MAP3K3: variants seen among roughly 807,000 people sequenced by gnomAD.
MAP3K3 encodes the protein MAP/ERK kinase kinase 3.
In MAP3K3, 12 loss-of-function variants were observed where a neutral mutation model predicts 80.9. The observed-to-expected ratio is 0.15, with a 90% CI of 0.10 to 0.24. The LOEUF is 0.24. Among genes scored for constraint, MAP3K3 ranks in the 10% least tolerant of loss-of-function variants. The pLI is 1.00. For missense variants in MAP3K3, 596 were observed against 834.7 expected (o/e 0.71, Z 3.52); for synonymous variants, 272 against 307.1 (o/e 0.89, Z 1.19).
chr17:63,632,448 C>T (rs1255052232), intron 1 of MAP3K3, among the ~76,000 whole-genome samples: 3 of 152,156 alleles, frequency 2.0e-5, no homozygotes, highest in South Asian at 2.1e-4. Flanking sequence ...GCTATGATCA[C>T]GCCACTGCAC....
rs2035528514 is a variant in MAP3K3, at chr17:63,689,208, A to T, written c.871+327A>T. On this transcript the variant is annotated intron_variant, in intron 10 of 15. Coordinates refer to ENST00000361733, the MANE Select transcript of MAP3K3 (RefSeq NM_002401.5). The surrounding 1 kb of genome is among the most constrained non-coding windows in gnomAD (Gnocchi z 4.3). The stretch of plus-strand genomic sequence containing the variant: ...GGGGTAAGGAGTAGGATACAAGGAA[A>T]TCAGTGCCTTCGGGTGTGGCTTGGC... The T allele has an allele frequency of 1.9e-6, 1 of 531,842 alleles. No homozygotes were observed. The highest frequency in any genetic ancestry group is 1.9e-5 in the African/African-American group (1 of 52,570). 32.9% of individuals were successfully genotyped at this position (531,842 alleles called of 1,614,324 possible). A position where few individuals can be genotyped will look rare whatever the true frequency, so the allele number is the denominator to read the frequency against.
intron 1 of MAP3K3, 119 bp from the exon 2 acceptor site, chr17:63,632,562 T>C (rs2034238542): frequency 1.8e-6 from 2 of 1,126,564 alleles, no homozygotes; most frequent in African/African-American, 1.6e-5. Context: ...CTGATTATAG[T>C]TACAGGGTCT....
At chr17:63,687,369 T>C (rs182986412) in intron 8 of MAP3K3, among the ~76,000 whole-genome samples, 2,462 of 147,488 alleles carry the variant, frequency 0.017, 60 homozygotes, top group African/African-American at 0.059. Flanking sequence ...AAAAAATAGC[T>C]GGGCGTGGTG....
intron 1 of MAP3K3, among the ~76,000 whole-genome samples, chr17:63,627,241 T>C (rs1254924126): frequency 6.6e-6 from 1 of 152,158 alleles, no homozygotes; most frequent in Non-Finnish European, 1.5e-5. Context: ...CCTTGTTTGA[T>C]AGATCCTTTT....
chr17:63,693,992 A>G lies in MAP3K3; in HGVS notation c.*215A>G. ...TGGGAGCCCCCAGCCTGTCAGATCCAGGAGCTCCAGTGTCCTGAGCTCAGC... is the reference window on the plus strand; with the variant it reads ...TGGGAGCCCCCAGCCTGTCAGATCCGGGAGCTCCAGTGTCCTGAGCTCAGC... On this transcript the variant is annotated 3_prime_UTR_variant, in exon 16 of 16. Coordinates refer to ENST00000361733, the MANE Select transcript of MAP3K3 (RefSeq NM_002401.5). The surrounding 1 kb of genome is among the most constrained non-coding windows in gnomAD (Gnocchi z 4.2). The G allele has an allele frequency of 1.9e-6, 1 of 526,128 alleles. No individual in the cohort carries two copies. The highest frequency in any genetic ancestry group is 3.4e-5 in the East Asian group (1 of 29,346). 32.6% of individuals were successfully genotyped at this position (526,128 alleles called of 1,614,324 possible). A position where few individuals can be genotyped will look rare whatever the true frequency, so the allele number is the denominator to read the frequency against.
intron 2 of MAP3K3, chr17:63,636,975 T>A (rs983486794): frequency 1.8e-5 from 11 of 614,098 alleles, no homozygotes; most frequent in Admixed American, 4.1e-5. Context: ...CTGGTGCCCA[T>A]GGGCTACGGT....
At chr17:63,656,575 A>T (rs1010636058) in intron 4 of MAP3K3, among the ~76,000 whole-genome samples, 1 of 152,214 alleles carries the variant, frequency 6.6e-6, no homozygotes, top group Non-Finnish European at 1.5e-5. Flanking sequence ...ACTGCACTCC[A>T]GCCTGGGCGA....
intron 1 of MAP3K3, among the ~76,000 whole-genome samples, chr17:63,625,063 A>G (rs1258475402): frequency 6.6e-6 from 1 of 152,322 alleles, no homozygotes; most frequent in African/African-American, 2.4e-5. Context: ...TATTTTAGTT[A>G]TACTTGTTAA....
At chr17:63,642,352 G>C (rs190797165) in intron 2 of MAP3K3, among the ~76,000 whole-genome samples, 32 of 152,238 alleles carry the variant, frequency 2.1e-4, no homozygotes, top group African/African-American at 7.7e-4. Context: ...TCCTTCATTA[G>C]TATATCTAAA....
chr17:63,688,046 C>T (rs977692030), intron 8 of MAP3K3, among the ~76,000 whole-genome samples: 7 of 152,178 alleles, frequency 4.6e-5, no homozygotes, highest in African/African-American at 1.7e-4. Flanking sequence ...AGCCTAGCTG[C>T]TCATCAAGTG....
At chr17:63,657,623 G>GA (rs201868074) in intron 4 of MAP3K3, among the ~76,000 whole-genome samples, 171 bp from the exon 5 acceptor site, 2,486 of 152,178 alleles carry the variant, frequency 0.016, 61 homozygotes, top group African/African-American at 0.057. Context: ...TACATTTAGA[G>GA]AAAAAAATCT....
At chr17:63,669,651 C>T (rs868202273) in intron 6 of MAP3K3, among the ~76,000 whole-genome samples, 22 of 152,060 alleles carry the variant, frequency 1.4e-4, no homozygotes, top group Non-Finnish European at 2.9e-4. Context: ...GACGGGATTT[C>T]GCCATGTTGG....
At chr17:63,684,483 T>C (rs1162287577) in intron 7 of MAP3K3, among the ~76,000 whole-genome samples, 2 of 152,208 alleles carry the variant, frequency 1.3e-5, no homozygotes, top group African/African-American at 4.8e-5. Flanking sequence ...GATTGGCAGA[T>C]TTTAAAAAAT....
intron 6 of MAP3K3, among the ~76,000 whole-genome samples, chr17:63,672,465 G>A (rs1261826161): frequency 6.6e-6 from 1 of 152,120 alleles, no homozygotes; most frequent in Non-Finnish European, 1.5e-5. Context: ...AGACATGTTG[G>A]TATTGAAGTG....
Position 63,689,976 on chromosome 17 carries a change from C to A in MAP3K3, c.1063+241C>A. On this transcript the variant is annotated intron_variant, in intron 11 of 15. Transcript: ENST00000361733. This position sits in a 1 kb window ranked among gnomAD's most constrained non-coding sequence, Gnocchi z 4.3. ...AACTAGGGAAGAGCACACCCTTCAT[C>A]CCTGCCATATTAAGATATTTAGGGG... The A allele has an allele frequency of 1.7e-6, 1 of 581,844 alleles. No homozygotes were observed. 36.0% of individuals were successfully genotyped at this position (581,844 alleles called of 1,614,324 possible).
chr17:63,673,407 C>A (rs962134658), intron 6 of MAP3K3, among the ~76,000 whole-genome samples: 21 of 151,300 alleles, frequency 1.4e-4, no homozygotes, highest in Non-Finnish European at 1.5e-4. Context: ...CAGAAACAAA[C>A]AAAAAAAACC....
In MAP3K3 at chr17:63,624,722, G is replaced by A. The variant is rs190417769; in HGVS notation, c.4+1959G>A. Among the ~76,000 whole-genome samples the A allele has an allele frequency of 4.6e-5, 7 of 152,316 alleles. No individual in the cohort carries two copies. The East Asian group carries it at 1.2e-3, about 25-fold the overall frequency. On this transcript the variant is annotated intron_variant, in intron 1 of 15. Transcript: ENST00000361733. ...TTCCCTGGTGGCTGCAGTATATTAG[G>A]CAAGCTAGTTTAAGAACCACTGCCC...
chr17:63,680,115 T>C (rs983725847), intron 6 of MAP3K3, among the ~76,000 whole-genome samples: 3 of 152,220 alleles, frequency 2.0e-5, no homozygotes, highest in Non-Finnish European at 2.9e-5. Flanking sequence ...CCTTAGCCAT[T>C]TCCACAGAGC....
chr17:63,623,561 T>C (rs564255342), intron 1 of MAP3K3, among the ~76,000 whole-genome samples: 2 of 152,384 alleles, frequency 1.3e-5, no homozygotes, highest in South Asian at 4.1e-4. Flanking sequence ...TGTCAGTATT[T>C]ACAATTTCTA....
Sources: gnomAD v4.1 joint callset for allele counts (sites outside exome capture counted in the v4.1 genomes callset) on GRCh38, gnomAD v4.1.1 for gene constraint, Gnocchi (gnomAD v3.1) non-coding constraint, MANE v1.5 for transcripts, NCBI Gene and HGNC (gene_info 2026-07-23, HGNC 2026-07-21) for gene names.